SSPN: variants seen among roughly 807,000 people sequenced by gnomAD.
SSPN encodes the protein K-ras oncogene-associated protein.
SSPN carries 15 observed loss-of-function variants against 19.1 expected under a neutral mutation model. The ratio of observed to expected loss-of-function variants is 0.78; its 90% CI spans 0.52 to 1.21. The LOEUF (loss-of-function observed/expected upper bound fraction) is 1.21. SSPN is among the 50% of genes most tolerant of loss of function. SSPN has a pLI of 0.00. For missense variants in SSPN, 291 were observed against 314.0 expected, an observed-to-expected ratio of 0.93 and a Z score of 0.55; for synonymous variants, 147 against 140.3, an observed-to-expected ratio of 1.05 and a Z score of -0.34.
At chr12:26,211,527 A>G (rs553019612) in intron 1 of SSPN, 17 of 152,214 alleles carry the variant, frequency 1.1e-4, no homozygotes, top group Non-Finnish European at 2.1e-4. Flanking sequence ...AGATCTTCCT[A>G]GCTTTCCAGC....
At chr12:26,165,006 C>A (rs1294591408) in intron 1 of SSPN, among the ~76,000 whole-genome samples, 1 of 152,096 alleles carries the variant, frequency 6.6e-6, no homozygotes, top group African/African-American at 2.4e-5. Flanking sequence ...TGACTATTTT[C>A]TTTGTATATA....
At chr12:26,126,326 A>G (rs1177218030) in intron 1 of SSPN, 1 of 152,156 alleles carries the variant, frequency 6.6e-6, no homozygotes, top group Non-Finnish European at 1.5e-5. Flanking sequence ...GGCTATATAT[A>G]TATTTCTCTA....
chr12:26,122,809 T>A, intron 1 of SSPN: 1 of 1,592,852 alleles, frequency 6.3e-7, no homozygotes, highest in Non-Finnish European at 8.5e-7. Context: ...TCGGTGTCCG[T>A]GTCGTTCTCG....
chr12:26,195,458 C>G (rs1052465381), upstream of SSPN: 8 of 846,068 alleles, frequency 9.5e-6, no homozygotes, highest in Non-Finnish European at 1.3e-5. Flanking sequence ...CGCTGCGTCC[C>G]GGCGCGTTGG....
chr12:26,204,687 T>C (rs978643506), intron 1 of SSPN, among the ~76,000 whole-genome samples: 4 of 152,180 alleles, frequency 2.6e-5, no homozygotes, highest in African/African-American at 9.7e-5. Context: ...CACTCTTTGG[T>C]AGATCTTCAT....
At chr12:26,198,939 G>A (rs1333488469) in intron 1 of SSPN, among the ~76,000 whole-genome samples, 1 of 152,196 alleles carries the variant, frequency 6.6e-6, no homozygotes, top group Admixed American at 6.5e-5. Context: ...TGGGGCTGAG[G>A]CTGAGTCACA....
intron 1 of SSPN, chr12:26,123,627 T>G (rs1462067432): frequency 1.2e-6 from 2 of 1,608,948 alleles, no homozygotes; most frequent in Non-Finnish European, 1.7e-6. Flanking sequence ...TGAACTGACT[T>G]ACCATTCTGT....
At position 26,195,643 on chromosome 12, in the gene SSPN, A is replaced by AGACCCC; in HGVS notation, c.-30_-29insGACCCC. The AGACCCC allele has an allele frequency of 4.1e-6, 1 of 242,024 alleles. No homozygotes were observed. Among genetic ancestry groups the AGACCCC allele is most frequent in the Non-Finnish European group, 6.7e-6 (1 of 150,342 alleles). The allele number at this position is 242,024 out of a possible 1,614,324, so 15.0% of individuals were successfully genotyped here. Reference sequence around the variant, plus strand: ...CCAGGGCCCAGGGCGCCGCACACGCACCCACCCACCCACCCAGCCTCGCAG... The same window carrying AGACCCC: ...CCAGGGCCCAGGGCGCCGCACACGCAGACCCCCCCACCCACCCACCCAGCCTCGCAG... On this transcript the variant is annotated 5_prime_UTR_variant, in exon 1 of 3. Coordinates refer to ENST00000242729, the MANE Select transcript of SSPN (RefSeq NM_005086.5).
chr12:26,227,096 C>T (rs1027483693), intron 2 of SSPN, among the ~76,000 whole-genome samples: 5 of 152,156 alleles, frequency 3.3e-5, no homozygotes, highest in Non-Finnish European at 5.9e-5. Context: ...CTCGGATTCT[C>T]AAGGTCATCG....
At chr12:26,155,377 A>G (rs1944549951) in intron 1 of SSPN, among the ~76,000 whole-genome samples, 1 of 152,218 alleles carries the variant, frequency 6.6e-6, no homozygotes, top group Admixed American at 6.5e-5. Context: ...GTATCTGAAA[A>G]TGGAAGGGGA....
intron 1 of SSPN, among the ~76,000 whole-genome samples, chr12:26,221,959 A>T (rs928848165): frequency 2.6e-5 from 4 of 152,348 alleles, no homozygotes; most frequent in South Asian, 2.1e-4. Context: ...TATCAAACTT[A>T]TCCTTCAATT....
intron 1 of SSPN, among the ~76,000 whole-genome samples, chr12:26,190,108 A>T (rs577369555): frequency 6.6e-6 from 1 of 152,224 alleles, no homozygotes; most frequent in African/African-American, 2.4e-5. Context: ...GGAGGATATG[A>T]TGATTTAAAA....
At chr12:26,191,648 A>C (rs964303841), upstream of SSPN, among the ~76,000 whole-genome samples, 1 of 151,926 alleles carries the variant, frequency 6.6e-6, no homozygotes, top group African/African-American at 2.4e-5. Flanking sequence ...AAAGAAAATA[A>C]AAAAAATAGG....
intron 1 of SSPN, among the ~76,000 whole-genome samples, chr12:26,147,215 G>A (rs1020466313): frequency 1.3e-5 from 2 of 151,786 alleles, no homozygotes; most frequent in Non-Finnish European, 2.9e-5. Flanking sequence ...ATATAATAAA[G>A]CAATATGCAA....
chr12:26,126,721 GGGC>G (rs1406994967), intron 1 of SSPN: 1 of 152,530 alleles, frequency 6.6e-6, no homozygotes, highest in Non-Finnish European at 1.5e-5. Flanking sequence ...TTCGTGACTC[GGGC>G]GGCGGCGGCG....
intron 1 of SSPN, among the ~76,000 whole-genome samples, chr12:26,175,669 A>C (rs1282985300): frequency 6.6e-6 from 1 of 152,190 alleles, no homozygotes; most frequent in African/African-American, 2.4e-5. Context: ...ATAAACCAAC[A>C]TTTGAAAAAA....
In SSPN at chr12:26,231,135, CA is replaced by C. The variant is rs202155192; in HGVS notation, c.*68del. The stretch of plus-strand genomic sequence containing the variant: ...CATGGAGTAGCTGAGGTTAAACAAA[CA>C]AAAAAAAATTTTAAACAAAGAAAGG... On this transcript the variant is annotated 3_prime_UTR_variant, in exon 3 of 3. Coordinates refer to ENST00000242729, the MANE Select transcript of SSPN (RefSeq NM_005086.5). 1.0e-4 allele frequency: 150 copies of C among 1,437,372 alleles called. No homozygotes were observed. Among genetic ancestry groups the C allele is most frequent in the South Asian group, 4.8e-4 (28 of 58,330 alleles). The allele number at this position is 1,437,372 out of a possible 1,614,324, so 89.0% of individuals were successfully genotyped here.
At chr12:26,129,517 C>T (rs1944386041) in intron 1 of SSPN, among the ~76,000 whole-genome samples, 1 of 152,140 alleles carries the variant, frequency 6.6e-6, no homozygotes, top group Non-Finnish European at 1.5e-5. Flanking sequence ...TGCTACTCAC[C>T]AGAAGCCAGT....
intron 1 of SSPN, 80 bp from the exon 2 acceptor site, chr12:26,224,213 C>T (rs1330107021): frequency 3.2e-6 from 3 of 943,838 alleles, no homozygotes; most frequent in Non-Finnish European, 5.2e-6. Context: ...GATGTGACTG[C>T]AGGAAGATAC....
Sources: allele counts gnomAD v4.1 joint callset (sites outside exome capture counted in the v4.1 genomes callset), GRCh38; gene constraint gnomAD v4.1.1; transcripts MANE v1.5; gene names NCBI Gene and HGNC (gene_info 2026-07-23, HGNC 2026-07-21).